Variants in ANKRD30BL observed in about 807,000 individuals in gnomAD.
ANKRD30BL encodes putative ankyrin repeat domain-containing protein 30B-like.
A neutral mutation model predicts 18.4 loss-of-function variants in ANKRD30BL; 20 were observed. The ratio of observed to expected loss-of-function variants is 1.09; its 90% CI spans 0.77 to 1.58. ANKRD30BL has a LOEUF of 1.58. ANKRD30BL is among the 40% of genes most tolerant of loss of function. The probability of loss-of-function intolerance (pLI) is 0.00; values close to 1 mark genes in which losing one functional copy is unlikely to be tolerated. For synonymous variants in ANKRD30BL, 72 were observed against 100.9 expected (o/e 0.71, Z 1.72); for missense variants, 224 against 268.6 (o/e 0.83, Z 1.16).
At chr2:132,185,546 T>C (rs113275349) in intron 1 of ANKRD30BL, among the ~76,000 whole-genome samples, 1 of 152,154 alleles carries the variant, frequency 6.6e-6, no homozygotes, top group Non-Finnish European at 1.5e-5. Context: ...TTGATTATAG[T>C]GGGAAGGTAT....
chr2:132,219,415 C>T (rs1486639181), intron 1 of ANKRD30BL, among the ~76,000 whole-genome samples: 1 of 151,882 alleles, frequency 6.6e-6, no homozygotes, highest in African/African-American at 2.4e-5. Flanking sequence ...AGGTTTGAAA[C>T]ACTCTTTTTG....
intron 1 of ANKRD30BL, among the ~76,000 whole-genome samples, chr2:132,175,258 G>A (rs1360248890): frequency 6.6e-6 from 1 of 151,574 alleles, no homozygotes; most frequent in African/African-American, 2.4e-5. Context: ...GTGATAATAG[G>A]GAGAAGGTCA....
At chr2:132,234,877 C>T (rs542989875) in intron 1 of ANKRD30BL, among the ~76,000 whole-genome samples, 1 of 152,168 alleles carries the variant, frequency 6.6e-6, no homozygotes, top group South Asian at 2.1e-4. Context: ...GGCAGAGACA[C>T]AACCAAAAAA....
upstream of ANKRD30BL, among the ~76,000 whole-genome samples, chr2:132,165,815 G>T (rs1688179536): frequency 6.8e-6 from 1 of 146,638 alleles, no homozygotes. Context: ...ATAAGAAATT[G>T]CCCATCTGTC....
At chr2:132,172,295 T>C (rs1050839265) in intron 1 of ANKRD30BL, among the ~76,000 whole-genome samples, 10 of 152,190 alleles carry the variant, frequency 6.6e-5, no homozygotes, top group African/African-American at 2.4e-4. Context: ...AGGAGCCACC[T>C]AACTGTTGTC....
chr2:132,226,070 T>A (rs1679836103), intron 1 of ANKRD30BL, among the ~76,000 whole-genome samples: 1 of 152,078 alleles, frequency 6.6e-6, no homozygotes, highest in Non-Finnish European at 1.5e-5. Context: ...TGCATTCAAC[T>A]CACAGGGTTG....
In ANKRD30BL at chr2:132,222,259, G is replaced by A. The variant is rs1462472715; in HGVS notation, n.441+35270C>T. On this transcript the variant is annotated intron_variant and non_coding_transcript_variant, in intron 1 of 4. Transcript: ENST00000470729. Reference sequence around the variant, plus strand: ...GCCAGCCGCCCCATCCGGGAGGTGAGGGGCGCTTCTGCCCGGCCGCCCCTA... The same window carrying A: ...GCCAGCCGCCCCATCCGGGAGGTGAAGGGCGCTTCTGCCCGGCCGCCCCTA... Among the ~76,000 whole-genome samples, 8 of 150,506 alleles carry A rather than the reference G, an allele frequency of 5.3e-5. No individual in the cohort carries two copies. The East Asian group carries it at 1.6e-3, about 30-fold the overall frequency.
intron 1 of ANKRD30BL, among the ~76,000 whole-genome samples, chr2:132,191,737 ATTTTTTTTTTT>A (rs777830399): frequency 8.9e-6 from 1 of 111,898 alleles, no homozygotes; most frequent in Admixed American, 8.9e-5. Context: ...ATGGAGTTTG[ATTTTTTTTTTT>A]TTTTTTTTTT....
At chr2:132,225,041 C>T (rs974572882) in intron 1 of ANKRD30BL, among the ~76,000 whole-genome samples, 8 of 151,892 alleles carry the variant, frequency 5.3e-5, no homozygotes, top group African/African-American at 1.9e-4. Context: ...GCATTCAACT[C>T]AGAGACTTGA....
intron 1 of ANKRD30BL, among the ~76,000 whole-genome samples, chr2:132,211,074 G>A (rs147661366): frequency 6.7e-6 from 1 of 149,038 alleles, no homozygotes; most frequent in South Asian, 2.1e-4. Context: ...ACTAGACAGA[G>A]GCATTTTGAG....
intron 1 of ANKRD30BL, among the ~76,000 whole-genome samples, chr2:132,226,725 G>A (rs1218836674): frequency 6.6e-6 from 1 of 151,606 alleles, no homozygotes; most frequent in Non-Finnish European, 1.5e-5. Flanking sequence ...AGAATCCTGA[G>A]AAACTTCTTT....
intron 1 of ANKRD30BL, among the ~76,000 whole-genome samples, chr2:132,197,347 TC>T (rs1403333831): frequency 1.3e-5 from 2 of 152,244 alleles, no homozygotes; most frequent in East Asian, 3.8e-4. Flanking sequence ...TTCACTGTTT[TC>T]CTTTTTGTTT....
chr2:132,200,829 A>G (rs1382715778), intron 1 of ANKRD30BL, among the ~76,000 whole-genome samples: 1 of 152,218 alleles, frequency 6.6e-6, no homozygotes, highest in Non-Finnish European at 1.5e-5. Context: ...AAGAGCCCGC[A>G]TCGCCAAGTC....
intron 1 of ANKRD30BL, among the ~76,000 whole-genome samples, chr2:132,214,232 C>A (rs1246432839): frequency 6.6e-6 from 1 of 151,690 alleles, no homozygotes; most frequent in Non-Finnish European, 1.5e-5. Flanking sequence ...AGAATTGAAC[C>A]TTCCTTTTAA....
intron 1 of ANKRD30BL, among the ~76,000 whole-genome samples, chr2:132,172,216 C>T (rs560974281): frequency 4.6e-5 from 7 of 152,216 alleles, no homozygotes; most frequent in South Asian, 2.1e-4. Flanking sequence ...TCTCTATTTG[C>T]AATTACTTTG....
chr2:132,234,115 A>G (rs1157368148), intron 1 of ANKRD30BL, among the ~76,000 whole-genome samples: 1 of 152,218 alleles, frequency 6.6e-6, no homozygotes, highest in Non-Finnish European at 1.5e-5. Context: ...GAAGGCAGAA[A>G]TAAAGATGTT....
chr2:132,186,352 T>G (rs1236675159), intron 1 of ANKRD30BL, among the ~76,000 whole-genome samples: 1 of 152,140 alleles, frequency 6.6e-6, no homozygotes, highest in Non-Finnish European at 1.5e-5. Context: ...CTAATGACAT[T>G]CAAAAAGCAT....
intron 1 of ANKRD30BL, among the ~76,000 whole-genome samples, chr2:132,257,360 C>T (rs1054524193): frequency 4.9e-4 from 74 of 152,342 alleles, no homozygotes; most frequent in African/African-American, 1.7e-3. Flanking sequence ...GGACTGAACG[C>T]CAGGCACAGC....
chr2:132,199,879 A>G (rs1679059187), intron 1 of ANKRD30BL, among the ~76,000 whole-genome samples: 1 of 152,184 alleles, frequency 6.6e-6, no homozygotes, highest in African/African-American at 2.4e-5. Flanking sequence ...TTTTAGGCCA[A>G]TATCCTTGAT....
Sources: allele counts gnomAD v4.1 joint callset (sites outside exome capture counted in the v4.1 genomes callset), GRCh38; gene constraint gnomAD v4.1.1; transcripts MANE v1.5; gene names NCBI Gene and HGNC (gene_info 2026-07-23, HGNC 2026-07-21).